The following DENND6A variants were observed in gnomAD, a reference collection of about 807,000 sequenced individuals.
DENND6A encodes the protein DENN domain containing 6A, also known as protein DENND6A.
Under a neutral mutation model 95.5 loss-of-function variants are expected in DENND6A, and 43 were observed. That is an observed-to-expected ratio of 0.45 (90% confidence interval 0.35 to 0.58). The LOEUF (loss-of-function observed/expected upper bound fraction) is 0.58. Ranked by LOEUF, DENND6A falls within the 20% of genes least tolerant of loss-of-function variation. The pLI is 0.00. For synonymous variants in DENND6A, 257 were observed against 260.4 expected (o/e 0.99, Z 0.13); for missense variants, 574 against 736.0 (o/e 0.78, Z 2.55).
In DENND6A at chr3:57,626,356, T is replaced by C. The variant is rs930897038; in HGVS notation, c.*1858A>G. On this transcript the variant is annotated 3_prime_UTR_variant, in exon 20 of 20. Coordinates refer to ENST00000311128, the MANE Select transcript of DENND6A (RefSeq NM_152678.3). ...ATACATACAACTAAATTTGGTTATT[T>C]AGAGGATAATTCAAGACACAGCTAT... 3.9e-5 allele frequency: 6 copies of C among 152,246 alleles called. No individual in the cohort carries two copies. Among genetic ancestry groups the C allele is most frequent in the African/African-American group, 1.2e-4 (5 of 41,444 alleles). The allele number at this position is 152,246 out of a possible 1,614,324, so 9.4% of individuals were successfully genotyped here.
chr3:57,672,552 G>A, intron 1 of DENND6A, 114 bp from the exon 2 acceptor site: 2 of 1,069,004 alleles, frequency 1.9e-6, no homozygotes, highest in Non-Finnish European at 2.7e-6. Context: ...GGAGCCCAAG[G>A]CAGGCGGATC....
At chr3:57,652,419 AT>A (rs2071229421) in intron 9 of DENND6A, among the ~76,000 whole-genome samples, 1 of 152,158 alleles carries the variant, frequency 6.6e-6, no homozygotes, top group South Asian at 2.1e-4. Flanking sequence ...CCAGACTCCT[AT>A]GTCCAACTGA....
chr3:57,678,610 T>C (rs1208959280), intron 1 of DENND6A, among the ~76,000 whole-genome samples: 1 of 152,164 alleles, frequency 6.6e-6, no homozygotes, highest in East Asian at 1.9e-4. Flanking sequence ...GTCATGAGTG[T>C]AGAGCTCACA....
chr3:57,674,468 T>A (rs1205976773), intron 1 of DENND6A, among the ~76,000 whole-genome samples: 2 of 151,254 alleles, frequency 1.3e-5, no homozygotes, highest in Non-Finnish European at 2.9e-5. Context: ...CCATCTCTAC[T>A]AAAAATACAA....
In DENND6A at chr3:57,655,650, A is replaced by G. The variant is rs1310658500; in HGVS notation, c.818+2030T>C. On this transcript the variant is annotated intron_variant, in intron 9 of 19. Coordinates refer to ENST00000311128, the MANE Select transcript of DENND6A (RefSeq NM_152678.3). Reference sequence around the variant, plus strand: ...TATTTTTTTAAATTACGTTCAGGCTATGTGTATAAGGTGTATATGAAGCAT... The same window carrying G: ...TATTTTTTTAAATTACGTTCAGGCTGTGTGTATAAGGTGTATATGAAGCAT... Among the ~76,000 whole-genome samples, 4 of 152,292 alleles carry G rather than the reference A, an allele frequency of 2.6e-5. No homozygotes were observed. In the East Asian group the frequency reaches 5.8e-4, roughly 22 times the overall value.
At chr3:57,641,902 C>T (rs1221291698) in intron 11 of DENND6A, among the ~76,000 whole-genome samples, 155 bp from the exon 12 acceptor site, 1 of 151,906 alleles carries the variant, frequency 6.6e-6, no homozygotes, top group Non-Finnish European at 1.5e-5. Context: ...CCAGGCAACA[C>T]GTTTTACACT....
chr3:57,663,499 C>T (rs1366097107), intron 5 of DENND6A, 137 bp downstream of exon 5: 189 of 140,708 alleles, frequency 1.3e-3, no homozygotes, highest in African/African-American at 2.8e-3. Flanking sequence ...TATATATATA[C>T]ACACACACAC....
intron 9 of DENND6A, among the ~76,000 whole-genome samples, chr3:57,652,480 C>T (rs944989562): frequency 3.3e-5 from 5 of 152,148 alleles, no homozygotes; most frequent in African/African-American, 1.2e-4. Context: ...AAACTCTGAG[C>T]CAGAACTACC....
chr3:57,646,600 G>C (rs1349691848), intron 9 of DENND6A, among the ~76,000 whole-genome samples, 162 bp from the exon 10 acceptor site: 1 of 152,284 alleles, frequency 6.6e-6, no homozygotes, highest in Non-Finnish European at 1.5e-5. Flanking sequence ...GATGTATAGA[G>C]ACATAAGTCC....
At chr3:57,655,637 T>C (rs2071309764) in intron 9 of DENND6A, among the ~76,000 whole-genome samples, 1 of 152,194 alleles carries the variant, frequency 6.6e-6, no homozygotes, top group Non-Finnish European at 1.5e-5. Flanking sequence ...TTTTTTTAAA[T>C]TACGTTCAGG....
chr3:57,661,970 T>A (rs1258124585), intron 5 of DENND6A, among the ~76,000 whole-genome samples: 1 of 152,156 alleles, frequency 6.6e-6, no homozygotes, highest in African/African-American at 2.4e-5. Context: ...AGCCACATAG[T>A]TGGAAATTGT....
intron 12 of DENND6A, among the ~76,000 whole-genome samples, chr3:57,640,315 G>A (rs189784072): frequency 1.3e-5 from 2 of 150,650 alleles, no homozygotes; most frequent in African/African-American, 4.9e-5. Context: ...GGTAGTGGCA[G>A]GGAGTGGTGG....
At chr3:57,652,795 A>T (rs2153414773) in intron 9 of DENND6A, among the ~76,000 whole-genome samples, 1 of 152,306 alleles carries the variant, frequency 6.6e-6, no homozygotes, top group Non-Finnish European at 1.5e-5. Context: ...AATACCAGAC[A>T]ATCCTAAACT....
At chr3:57,680,602 A>G (rs1056518038) in intron 1 of DENND6A, among the ~76,000 whole-genome samples, 6 of 152,262 alleles carry the variant, frequency 3.9e-5, no homozygotes, top group African/African-American at 1.4e-4. Flanking sequence ...TAAGCTGCCC[A>G]GTTTGTGGTA....
intron 1 of DENND6A, among the ~76,000 whole-genome samples, chr3:57,691,640 T>C (rs1398785858): frequency 7.5e-6 from 1 of 133,728 alleles, no homozygotes; most frequent in African/African-American, 2.9e-5. Flanking sequence ...CACTACAGTA[T>C]TAATGAAATC....
At chr3:57,691,341 A>G (rs1441928235) in intron 1 of DENND6A, among the ~76,000 whole-genome samples, 1 of 152,228 alleles carries the variant, frequency 6.6e-6, no homozygotes, top group Non-Finnish European at 1.5e-5. Context: ...CACCTATTCT[A>G]TCAAAAGTAT....
chr3:57,649,565 T>C (rs2071150786), intron 9 of DENND6A, among the ~76,000 whole-genome samples: 1 of 151,828 alleles, frequency 6.6e-6, no homozygotes. Context: ...CATGCATGTT[T>C]ATAGCAGCAC....
chr3:57,681,426 T>C (rs1179703407), intron 1 of DENND6A, among the ~76,000 whole-genome samples: 6 of 151,594 alleles, frequency 4.0e-5, no homozygotes, highest in Admixed American at 3.3e-4. Flanking sequence ...ATCACGCCAC[T>C]GCACTCCAGC....
intron 4 of DENND6A, among the ~76,000 whole-genome samples, chr3:57,665,781 C>T (rs2071517129): frequency 6.6e-6 from 1 of 152,132 alleles, no homozygotes; most frequent in Admixed American, 6.5e-5. Context: ...ACTATGTTAT[C>T]AAGTATGACT....
Sources: allele counts gnomAD v4.1 joint callset (sites outside exome capture counted in the v4.1 genomes callset), GRCh38; gene constraint gnomAD v4.1.1; transcripts MANE v1.5; gene names NCBI Gene and HGNC (gene_info 2026-07-23, HGNC 2026-07-21).